CTNNA3: variants seen among roughly 807,000 people sequenced by gnomAD.
CTNNA3 encodes catenin alpha 3, also known as catenin alpha-3.
Under a neutral mutation model 95.7 loss-of-function variants are expected in CTNNA3, and 76 were observed. That is an observed-to-expected ratio of 0.79 (90% confidence interval 0.66 to 0.96). The LOEUF (loss-of-function observed/expected upper bound fraction) is 0.96. Among genes scored for constraint, CTNNA3 ranks in the 40% least tolerant of loss-of-function variants. The pLI is 0.00. For synonymous variants in CTNNA3, 431 were observed against 374.4 expected (o/e 1.15, Z -1.74); for missense variants, 1,191 against 1,089.8 (o/e 1.09, Z -1.31).
At chr10:66,176,388 C>A (rs946269927) in intron 13 of CTNNA3, among the ~76,000 whole-genome samples, 2 of 151,984 alleles carry the variant, frequency 1.3e-5, no homozygotes, top group Non-Finnish European at 2.9e-5. Flanking sequence ...TTACTGAAGT[C>A]TTTGGAAACT....
rs200815679 is a variant in CTNNA3, at chr10:66,197,336, CTCTATCTATCTATCTA to C, written c.1884+83118_1884+83133del. Among the ~76,000 whole-genome samples, 65 of 148,166 alleles carry C rather than the reference CTCTATCTATCTATCTA, an allele frequency of 4.4e-4. No homozygotes were observed. In the Middle Eastern group the frequency reaches 0.01, roughly 24 times the overall value. ...ATGCGTTTAAGAACTCAATCCAAAT[CTCTATCTATCTATCTA>C]TCTATCTATCTATCTATCTATCTAT... On this transcript the variant is annotated intron_variant, in intron 13 of 17. Coordinates refer to ENST00000433211, the MANE Select transcript of CTNNA3 (RefSeq NM_013266.4).
intron 7 of CTNNA3, among the ~76,000 whole-genome samples, chr10:66,900,885 A>G (rs1361935968): frequency 6.6e-6 from 1 of 152,246 alleles, no homozygotes; most frequent in Non-Finnish European, 1.5e-5. Flanking sequence ...ATGTGAAAAG[A>G]CCAAATCTAC....
At chr10:66,425,285 T>C (rs983544447) in intron 11 of CTNNA3, among the ~76,000 whole-genome samples, 2 of 151,938 alleles carry the variant, frequency 1.3e-5, no homozygotes, top group Non-Finnish European at 2.9e-5. Context: ...ATACATTTAA[T>C]ATTTTATTAG....
At chr10:66,416,246 T>A (rs148990522) in intron 11 of CTNNA3, among the ~76,000 whole-genome samples, 14 of 148,160 alleles carry the variant, frequency 9.4e-5, no homozygotes, top group African/African-American at 3.6e-4. Flanking sequence ...CAGTGTTTTA[T>A]AAATAACCCT....
chr10:67,005,682 C>CTTTTTTTTTT lies in CTNNA3; in HGVS notation c.1047+174625_1047+174634dup, dbSNP rs11369576. ...AATGCTTTTGTTTATTTTACTCCAT[C>CTTTTTTTTTT]TTTTTTTTTTTTTTTTTTTTTGAGA... is the stretch of plus-strand genomic sequence containing the variant. On this transcript the variant is annotated intron_variant, in intron 7 of 17. Transcript: ENST00000433211. 6.3e-3 allele frequency among the ~76,000 whole-genome samples: 391 copies of CTTTTTTTTTT among 61,930 alleles called. 105 individuals carry two copies. Among genetic ancestry groups the CTTTTTTTTTT allele is most frequent in the South Asian group, 0.019 (19 of 990 alleles). The allele number at this position is 61,930 out of a possible 152,430, so 40.6% of individuals were successfully genotyped here.
At chr10:66,751,096 C>A (rs761495448) in intron 9 of CTNNA3, among the ~76,000 whole-genome samples, 7 of 151,968 alleles carry the variant, frequency 4.6e-5, no homozygotes, top group African/African-American at 1.7e-4. Flanking sequence ...GGTGAAACCC[C>A]GTCTCTGCTA....
At chr10:66,352,238 G>T (rs1421246635) in intron 12 of CTNNA3, among the ~76,000 whole-genome samples, 2 of 152,028 alleles carry the variant, frequency 1.3e-5, no homozygotes, top group Non-Finnish European at 2.9e-5. Flanking sequence ...AACATACATG[G>T]GCTCTTTGGG....
At chr10:67,547,742 C>CAGGAT (rs1412770868) in intron 3 of CTNNA3, among the ~76,000 whole-genome samples, 2 of 152,158 alleles carry the variant, frequency 1.3e-5, no homozygotes, top group Non-Finnish European at 2.9e-5. Context: ...GATAAACATC[C>CAGGAT]AGGATTCTGA....
chr10:66,910,692 T>C (rs1313387334), intron 7 of CTNNA3, among the ~76,000 whole-genome samples: 1 of 152,060 alleles, frequency 6.6e-6, no homozygotes, highest in Non-Finnish European at 1.5e-5. Flanking sequence ...AGAACAGAGG[T>C]GAACACAAGA....
At chr10:66,696,446 G>GTATTTATGTAGTAAA (rs1474961199) in intron 9 of CTNNA3, among the ~76,000 whole-genome samples, 1 of 152,054 alleles carries the variant, frequency 6.6e-6, no homozygotes. Flanking sequence ...ACACCTCTTG[G>GTATTTATGTAGTAAA]TACATAATAA....
At chr10:66,496,072 T>C (rs1346651481) in intron 11 of CTNNA3, among the ~76,000 whole-genome samples, 1 of 152,218 alleles carries the variant, frequency 6.6e-6, no homozygotes, top group Non-Finnish European at 1.5e-5. Context: ...GATAAAAAGA[T>C]ATTATTTTTA....
intron 7 of CTNNA3, among the ~76,000 whole-genome samples, chr10:66,957,279 C>G (rs1011855293): frequency 1.1e-4 from 16 of 151,502 alleles, no homozygotes; most frequent in African/African-American, 3.2e-4. Flanking sequence ...CCTAAATTTA[C>G]TATTTGCTCA....
intron 1 of CTNNA3, among the ~76,000 whole-genome samples, chr10:67,687,184 C>T (rs1840748981): frequency 6.6e-6 from 1 of 152,146 alleles, no homozygotes; most frequent in South Asian, 2.1e-4. Context: ...AAATCAATTT[C>T]CTGGCCCTCA....
At chr10:66,619,261 C>G (rs970519619) in intron 10 of CTNNA3, among the ~76,000 whole-genome samples, 1 of 151,102 alleles carries the variant, frequency 6.6e-6, no homozygotes, top group Non-Finnish European at 1.5e-5. Flanking sequence ...CACATGCACA[C>G]GTATGTTTAT....
chr10:67,574,576 AC>A (rs1441936419), intron 3 of CTNNA3, among the ~76,000 whole-genome samples: 41 of 137,558 alleles, frequency 3.0e-4, no homozygotes, highest in Admixed American at 6.4e-4. Flanking sequence ...AAGGTTGTTA[AC>A]TTTTTTTTTT....
intron 15 of CTNNA3, among the ~76,000 whole-genome samples, chr10:66,067,620 T>G: frequency 6.6e-6 from 1 of 152,142 alleles, no homozygotes; most frequent in African/African-American, 2.4e-5. Context: ...AGGGTTTCCT[T>G]TATTCAAAAA....
rs572347036 is a variant in CTNNA3 at position 66,454,797 on chromosome 10, G to A, written c.1531+65820C>T. Among the ~76,000 whole-genome samples the A allele has an allele frequency of 1.0e-3, 131 of 129,202 alleles. 1 individual carries two copies. The highest frequency in any genetic ancestry group is 8.5e-3 in the South Asian group (29 of 3,416). The allele number at this position is 129,202 out of a possible 152,430, so 84.8% of individuals were successfully genotyped here. On this transcript the variant is annotated intron_variant, in intron 11 of 17. Coordinates refer to ENST00000433211, the MANE Select transcript of CTNNA3 (RefSeq NM_013266.4). ...GAAGATGAAGGAGGAGGAAGGAGAG[G>A]AATGAGAGGAGGGAGAGGAGGGGGA... is the stretch of plus-strand genomic sequence containing the variant.
In CTNNA3 at chr10:67,167,587, A is replaced by G. The variant is rs576601637; in HGVS notation, c.1047+12730T>C. Among the ~76,000 whole-genome samples, 8 of 152,358 alleles carry G rather than the reference A, an allele frequency of 5.3e-5. No homozygotes were observed. The South Asian group carries it at 1.7e-3, about 32-fold the overall frequency. On this transcript the variant is annotated intron_variant, in intron 7 of 17. Coordinates refer to ENST00000433211, the MANE Select transcript of CTNNA3 (RefSeq NM_013266.4). ...AAACTCTATCTTTTTGATGGAGGAAAAGCAAAGTCATGCCAGAGGAGAATT... is the reference window on the plus strand; with the variant it reads ...AAACTCTATCTTTTTGATGGAGGAAGAGCAAAGTCATGCCAGAGGAGAATT...
intron 10 of CTNNA3, among the ~76,000 whole-genome samples, chr10:66,576,472 G>GC (rs1044171803): frequency 6.6e-6 from 1 of 151,604 alleles, no homozygotes; most frequent in African/African-American, 2.4e-5. Flanking sequence ...TCCAATCCAT[G>GC]CCCCCCCACC....
Sources: gnomAD v4.1 joint callset for allele counts (sites outside exome capture counted in the v4.1 genomes callset) on GRCh38, gnomAD v4.1.1 for gene constraint, MANE v1.5 for transcripts, NCBI Gene and HGNC (gene_info 2026-07-23, HGNC 2026-07-21) for gene names.